The following CEP192 variants were observed in gnomAD, a reference collection of about 807,000 sequenced individuals.
CEP192 encodes centrosomal protein of 192 kDa.
CEP192 carries 151 observed loss-of-function variants against 271.8 expected under a neutral mutation model. That is an observed-to-expected ratio of 0.56 (90% confidence interval 0.49 to 0.64). CEP192 has a LOEUF of 0.64. Among genes scored for constraint, CEP192 ranks in the 30% least tolerant of loss-of-function variants. The pLI is 0.00. For synonymous variants in CEP192, 995 were observed against 1,076.5 expected (o/e 0.92, Z 1.48); for missense variants, 2,910 against 3,020.5 (o/e 0.96, Z 0.86).
chr18:13,098,267 C>T (rs1053034857), intron 36 of CEP192, among the ~76,000 whole-genome samples: 8 of 150,022 alleles, frequency 5.3e-5, no homozygotes, highest in African/African-American at 1.7e-4. Context: ...GCTGGCCAGG[C>T]GGGGGCTGAC....
At chr18:13,111,483 C>T (rs1373792223) in intron 40 of CEP192, among the ~76,000 whole-genome samples, 3 of 152,040 alleles carry the variant, frequency 2.0e-5, no homozygotes, top group Admixed American at 6.5e-5. Flanking sequence ...AGAGATTCAC[C>T]GAAAATCAAC....
At chr18:13,055,702 G>C in intron 18 of CEP192, 78 bp from the exon 19 acceptor site, 1 of 1,038,542 alleles carries the variant, frequency 9.6e-7, no homozygotes, top group Non-Finnish European at 1.4e-6. Context: ...TTTGTTACTT[G>C]AGCTTTTGCC....
At chr18:13,021,052 G>A (rs763028476) in intron 9 of CEP192, among the ~76,000 whole-genome samples, 5 of 152,012 alleles carry the variant, frequency 3.3e-5, no homozygotes, top group Non-Finnish European at 7.4e-5. Flanking sequence ...CCTTTCACGT[G>A]CAAAAATTTT....
At chr18:13,001,402 A>G in intron 2 of CEP192, 55 bp from the exon 3 acceptor site, 1 of 1,307,938 alleles carries the variant, frequency 7.6e-7, no homozygotes. Flanking sequence ...TCATGATGAC[A>G]TTTAAATATG....
At chr18:13,055,717 T>C (rs1838550946) in intron 18 of CEP192, 63 bp from the exon 19 acceptor site, 2 of 1,139,334 alleles carry the variant, frequency 1.8e-6, no homozygotes, top group Admixed American at 2.5e-5. Flanking sequence ...TTTGCCAGCA[T>C]GTTTCAATTT....
intron 15 of CEP192, among the ~76,000 whole-genome samples, chr18:13,048,110 T>G (rs2036578464): frequency 6.6e-6 from 1 of 152,238 alleles, no homozygotes; most frequent in Non-Finnish European, 1.5e-5. Context: ...GCCTGCTCTT[T>G]TCCACAGTTT....
At chr18:13,069,475 G>T (rs1598504551) in intron 26 of CEP192, among the ~76,000 whole-genome samples, 1 of 152,206 alleles carries the variant, frequency 6.6e-6, no homozygotes, top group African/African-American at 2.4e-5. Flanking sequence ...ATCCGCACAC[G>T]TTGACATCAT....
In CEP192 at chr18:13,103,578, C is replaced by T. The variant is rs2039816540; in HGVS notation, c.6941C>T (p.Pro2314Leu). 2.5e-6 allele frequency: 4 copies of T among 1,612,722 alleles called. No homozygotes were observed. In the South Asian group the frequency reaches 4.4e-5, roughly 18 times the overall value. Residue 2314 changes from proline (P) to leucine (L), a missense_variant, in exon 39 of 45, where the codon CCT becomes CTT. By Grantham distance (98) the Pro-to-Leu change is moderately conservative (BLOSUM62 -3). Coordinates refer to ENST00000506447, the MANE Select transcript of CEP192 (RefSeq NM_032142.4). Reference protein sequence around the residue: ...VKWHLSSLAPPYVKGVDESGD... With the variant: ...VKWHLSSLAPLYVKGVDESGD... Reference sequence around the variant, plus strand: ...TGGCATCTGTCATCTTTAGCGCCACCTTATGTCAAGGTCAGTCATGACTGC... The same window carrying T: ...TGGCATCTGTCATCTTTAGCGCCACTTTATGTCAAGGTCAGTCATGACTGC...
intron 21 of CEP192, among the ~76,000 whole-genome samples, chr18:13,067,124 AT>A (rs546124687): frequency 0.014 from 2,187 of 152,116 alleles, 56 homozygotes; most frequent in African/African-American, 0.05. Flanking sequence ...ATGTACAGAC[AT>A]TTTTTTCTTG....
intron 28 of CEP192, 52 bp from the exon 29 acceptor site, chr18:13,072,703 G>A (rs12607682): frequency 0.14 from 167,831 of 1,209,766 alleles, 13,211 homozygotes; most frequent in East Asian, 0.29. Flanking sequence ...TCTTATAATG[G>A]TAGCAATATC....
intron 1 of CEP192, among the ~76,000 whole-genome samples, chr18:12,992,347 T>G (rs1479394536): frequency 1.3e-5 from 2 of 152,208 alleles, no homozygotes; most frequent in Non-Finnish European, 2.9e-5. Context: ...TTGGGGAAGT[T>G]TGACTCGGCT....
chr18:13,057,764 A>C (rs772271084), intron 20 of CEP192, 31 bp downstream of exon 20: 6 of 1,605,154 alleles, frequency 3.7e-6, no homozygotes, highest in Non-Finnish European at 3.4e-6. Context: ...CATTTAACCT[A>C]ACAGTTGCAT....
intron 43 of CEP192, 44 bp from the exon 44 acceptor site, chr18:13,117,540 AT>A (rs767569059): frequency 7.2e-7 from 1 of 1,388,704 alleles, no homozygotes; most frequent in African/African-American, 1.4e-5. Flanking sequence ...ATGCTAAAAG[AT>A]CTAATTTTCA....
chr18:13,021,098 T>C (rs918097686), intron 9 of CEP192, among the ~76,000 whole-genome samples: 1 of 152,234 alleles, frequency 6.6e-6, no homozygotes, highest in African/African-American at 2.4e-5. Flanking sequence ...TTTATATTGC[T>C]ACCTGTGCTT....
intron 36 of CEP192, among the ~76,000 whole-genome samples, chr18:13,098,467 G>C (rs1385979160): frequency 3.9e-5 from 6 of 152,008 alleles, no homozygotes; most frequent in Non-Finnish European, 8.8e-5. Flanking sequence ...CTCAGACGGG[G>C]CGGCTGGGCA....
Position 13,050,015 on chromosome 18 carries a change from G to C in CEP192, c.3017+124G>C, listed in dbSNP as rs903872736. 6 of 730,256 alleles carry C rather than the reference G, an allele frequency of 8.2e-6. No individual in the cohort carries two copies. The South Asian group carries it at 1.0e-4, about 13-fold the overall frequency. The allele number at this position is 730,256 out of a possible 1,614,324, so 45.2% of individuals were successfully genotyped here. A position where few individuals can be genotyped will look rare whatever the true frequency, so the allele number is the denominator to read the frequency against. On this transcript the variant is annotated intron_variant, in intron 17 of 44. Transcript: ENST00000506447. ...CTCTCAAAGGTAACTCTTGTAAGCTGTGAATTTCTTTCCAGCTATTTTTCT... is the reference window on the plus strand; with the variant it reads ...CTCTCAAAGGTAACTCTTGTAAGCTCTGAATTTCTTTCCAGCTATTTTTCT...
intron 44 of CEP192, among the ~76,000 whole-genome samples, chr18:13,118,673 C>T (rs761693089): frequency 5.3e-5 from 8 of 152,204 alleles, no homozygotes; most frequent in Non-Finnish European, 1.0e-4. Context: ...ACTTGATAAA[C>T]TCTTTGGCCT....
In CEP192 at chr18:13,100,327, GAGA is replaced by G. The variant is rs745347017; in HGVS notation, c.6690_6692del (p.Glu2230del). On this transcript the variant is annotated inframe_deletion, in exon 38 of 45. Transcript: ENST00000506447. ...CAGAAAATTGTGAAAGTTCAAATTC[GAGA>G]AGATTTAACTCAAGTGGAACTTTTA... 1 of 1,613,766 alleles carries G rather than the reference GAGA, an allele frequency of 6.2e-7. No homozygotes were observed. Among genetic ancestry groups the G allele is most frequent in the South Asian group, 1.1e-5 (1 of 91,068 alleles).
At chr18:13,084,437 G>A (rs932461096) in intron 30 of CEP192, among the ~76,000 whole-genome samples, 18 of 152,228 alleles carry the variant, frequency 1.2e-4, no homozygotes, top group African/African-American at 3.6e-4. Context: ...AGCCAAGCGC[G>A]GGATAAAATC....
Sources: gnomAD v4.1 joint callset for allele counts (sites outside exome capture counted in the v4.1 genomes callset) on GRCh38, gnomAD v4.1.1 for gene constraint, MANE v1.5 for transcripts, NCBI Gene and HGNC (gene_info 2026-07-23, HGNC 2026-07-21) for gene names.